CXCL17: variants seen among roughly 807,000 people sequenced by gnomAD.
CXCL17 encodes C-X-C motif chemokine 17.
In CXCL17, 9 loss-of-function variants were observed where a neutral mutation model predicts 15.5. That is an observed-to-expected ratio of 0.58 (90% CI 0.35 to 1.01). The LOEUF (loss-of-function observed/expected upper bound fraction) is 1.01. Ranked by LOEUF, CXCL17 falls within the 50% of genes least tolerant of loss-of-function variation. The pLI is 0.02. For synonymous variants in CXCL17, 52 were observed against 52.3 expected (o/e 0.99, Z 0.02); for missense variants, 133 against 138.2 (o/e 0.96, Z 0.19).
rs2040742180 is a variant in CXCL17, at chr19:42,428,695, G to A, written c.*189C>T. On this transcript the variant is annotated 3_prime_UTR_variant, in exon 4 of 4. Coordinates refer to ENST00000601181, the MANE Select transcript of CXCL17 (RefSeq NM_198477.3). ...GGGGAGGGCACAGGCTAAGACTGAC[G>A]AGAGAAGAAGACACTAGAGAGAGCA... 5.0e-6 allele frequency: 3 copies of A among 601,592 alleles called. No homozygotes were observed. In the South Asian group the frequency reaches 5.9e-5, roughly 12 times the overall value. 37.3% of individuals were successfully genotyped at this position (601,592 alleles called of 1,614,324 possible).
intron 2 of CXCL17, among the ~76,000 whole-genome samples, chr19:42,433,503 G>C (rs150378737): frequency 7.2e-5 from 11 of 152,322 alleles, no homozygotes; most frequent in African/African-American, 2.6e-4. Context: ...AAATAAAAAG[G>C]CTTTTGGACG....
chr19:42,432,112 T>C (rs1381741738), intron 3 of CXCL17, among the ~76,000 whole-genome samples: 2 of 151,102 alleles, frequency 1.3e-5, no homozygotes, highest in Non-Finnish European at 2.9e-5. Flanking sequence ...AATATCATAA[T>C]ATCAATCAGT....
Position 42,431,753 on chromosome 19 carries a change from C to T in CXCL17, c.262+1223G>A, listed in dbSNP as rs185899734. On this transcript the variant is annotated intron_variant, in intron 3 of 3. Transcript: ENST00000601181. ...ACAGGATCTTGCTATGTTGCCCAGG[C>T]TGGTCTTGAGCTCCTTGGCTTACTG... 1.4e-4 allele frequency among the ~76,000 whole-genome samples: 21 copies of T among 151,916 alleles called. No individual in the cohort carries two copies. The East Asian group carries it at 2.9e-3, about 21-fold the overall frequency.
Position 42,433,700 on chromosome 19 carries a change from T to C in CXCL17, c.160+76A>G, listed in dbSNP as rs2040805837. 2.5e-6 allele frequency: 3 copies of C among 1,221,266 alleles called. No individual in the cohort carries two copies. In the South Asian group the frequency reaches 3.6e-5, roughly 15 times the overall value. 75.7% of individuals were successfully genotyped at this position (1,221,266 alleles called of 1,614,324 possible). A position where few individuals can be genotyped will look rare whatever the true frequency, so the allele number is the denominator to read the frequency against. ...AGGTCAGCTGAGATAACATCTGCATTGGTCTCAGAGGGGCCCAAGGGAGAG... is the reference window on the plus strand; with the variant it reads ...AGGTCAGCTGAGATAACATCTGCATCGGTCTCAGAGGGGCCCAAGGGAGAG... On this transcript the variant is annotated intron_variant, in intron 2 of 3. Transcript: ENST00000601181.
chr19:42,428,866 A>G lies in CXCL17; in HGVS notation c.*18T>C. Reference sequence around the variant, plus strand: ...TTGGCTGAGAATGTTTAATTGGAAGAGTGGGCGCTCAGAGCTCCTACAAAG... The same window carrying G: ...TTGGCTGAGAATGTTTAATTGGAAGGGTGGGCGCTCAGAGCTCCTACAAAG... On this transcript the variant is annotated 3_prime_UTR_variant, in exon 4 of 4. Coordinates refer to ENST00000601181, the MANE Select transcript of CXCL17 (RefSeq NM_198477.3). 1 of 1,584,272 alleles carries G rather than the reference A, an allele frequency of 6.3e-7. No homozygotes were observed. Among genetic ancestry groups the G allele is most frequent in the Non-Finnish European group, 8.7e-7 (1 of 1,152,846 alleles).
rs368566303 is a variant in CXCL17, at chr19:42,428,471, A to T, written c.*413T>A. On this transcript the variant is annotated 3_prime_UTR_variant, in exon 4 of 4. Transcript: ENST00000601181. ...TGTGTAGAATCTGGATTCAGTCTGC[A>T]GTGAATAGGGTAAAATGGGTCATCT... 67 of 160,586 alleles carry T rather than the reference A, an allele frequency of 4.2e-4. 1 individual carries two copies. The highest frequency in any genetic ancestry group is 1.5e-3 in the African/African-American group (64 of 41,670). 9.9% of individuals were successfully genotyped at this position (160,586 alleles called of 1,614,324 possible).
intron 3 of CXCL17, among the ~76,000 whole-genome samples, chr19:42,429,283 TCC>T (rs2147687853): frequency 1.3e-5 from 2 of 151,798 alleles, no homozygotes; most frequent in South Asian, 4.2e-4. Flanking sequence ...CACCTCGGCC[TCC>T]CAAAGTGCTA....
chr19:42,438,406 A>ATATATAT (rs1491327567), intron 1 of CXCL17, among the ~76,000 whole-genome samples: 2 of 107,114 alleles, frequency 1.9e-5, no homozygotes, highest in African/African-American at 9.3e-5. Context: ...ATATATATAT[A>ATATATAT]AAATACACAC....
intron 1 of CXCL17, among the ~76,000 whole-genome samples, chr19:42,438,732 A>G (rs923287314): frequency 2.6e-5 from 4 of 152,250 alleles, no homozygotes; most frequent in East Asian, 1.9e-4. Context: ...GGGCTGGGGC[A>G]GAAAAACACA....
chr19:42,433,989 A>G, intron 1 of CXCL17, 133 bp from the exon 2 acceptor site: 1 of 620,086 alleles, frequency 1.6e-6, no homozygotes, highest in Non-Finnish European at 2.8e-6. Flanking sequence ...ACTTCAAGAG[A>G]TGAATATTTT....
intron 1 of CXCL17, among the ~76,000 whole-genome samples, chr19:42,440,963 C>A (rs1048067416): frequency 6.6e-6 from 1 of 152,132 alleles, no homozygotes; most frequent in African/African-American, 2.4e-5. Flanking sequence ...AGAGGCCACG[C>A]GGATGCTGCT....
intron 1 of CXCL17, among the ~76,000 whole-genome samples, chr19:42,435,816 C>G (rs2040828837): frequency 8.2e-6 from 1 of 122,150 alleles, no homozygotes; most frequent in African/African-American, 3.2e-5. Context: ...GGCAACAAAG[C>G]AAGACTTTGT....
rs781598363 is a variant in CXCL17, at chr19:42,442,744, T to A, written c.79+10A>T. On this transcript the variant is annotated intron_variant, in intron 1 of 3. Transcript: ENST00000601181. Reference sequence around the variant, plus strand: ...CCCCCGTTTTCCCCTTCATAGACAGTCTTGTTTACCTGGATTCAGGCTGCT... The same window carrying A: ...CCCCCGTTTTCCCCTTCATAGACAGACTTGTTTACCTGGATTCAGGCTGCT... 2.5e-6 allele frequency: 4 copies of A among 1,602,758 alleles called. No individual in the cohort carries two copies. The highest frequency in any genetic ancestry group is 1.3e-5 in the African/African-American group (1 of 74,550).
chr19:42,434,935 T>C (rs1487839406), intron 1 of CXCL17, among the ~76,000 whole-genome samples: 2 of 152,080 alleles, frequency 1.3e-5, no homozygotes, highest in Non-Finnish European at 2.9e-5. Flanking sequence ...ATCCCAGCAC[T>C]TTGGGAGGCT....
intron 3 of CXCL17, among the ~76,000 whole-genome samples, chr19:42,432,757 A>G (rs182650034): frequency 1.3e-5 from 2 of 152,322 alleles, no homozygotes; most frequent in African/African-American, 2.4e-5. Context: ...AGGTTTTAAA[A>G]TCTAAGAATT....
intron 1 of CXCL17, among the ~76,000 whole-genome samples, chr19:42,436,220 A>T (rs1425094385): frequency 6.6e-6 from 1 of 152,202 alleles, no homozygotes; most frequent in Non-Finnish European, 1.5e-5. Flanking sequence ...ATATGGTTCA[A>T]TTCAGGCCTC....
intron 1 of CXCL17, among the ~76,000 whole-genome samples, chr19:42,435,785 A>G (rs8106570): frequency 0.21 from 32,100 of 151,012 alleles, 5,562 homozygotes; most frequent in African/African-American, 0.47. Context: ...AGCTGAGATC[A>G]TACCATTGCA....
At position 42,428,325 on chromosome 19, in the gene CXCL17, A is replaced by G. The variant is rs1568618024; in HGVS notation, c.*559T>C. On this transcript the variant is annotated 3_prime_UTR_variant, in exon 4 of 4. Transcript: ENST00000601181. ...TCTTTAATAAGACCGTGTCTGGTTC[A>G]TTGGTATGCTTTTTTTTTTTTGTCC... 2 of 148,740 alleles carry G rather than the reference A, an allele frequency of 1.3e-5. No individual in the cohort carries two copies. The highest frequency in any genetic ancestry group is 3.0e-5 in the Non-Finnish European group (2 of 67,682). The allele number at this position is 148,740 out of a possible 1,614,324, so 9.2% of individuals were successfully genotyped here. A position where few individuals can be genotyped will look rare whatever the true frequency, so the allele number is the denominator to read the frequency against.
At chr19:42,442,039 T>C (rs1165266882) in intron 1 of CXCL17, among the ~76,000 whole-genome samples, 1 of 152,082 alleles carries the variant, frequency 6.6e-6, no homozygotes, top group African/African-American at 2.4e-5. Context: ...TCTATAAAGG[T>C]ACCATTGCCT....
Sources: allele counts gnomAD v4.1 joint callset (sites outside exome capture counted in the v4.1 genomes callset), GRCh38; gene constraint gnomAD v4.1.1; transcripts MANE v1.5; gene names NCBI Gene and HGNC (gene_info 2026-07-23, HGNC 2026-07-21).